FHIT: variants seen among roughly 807,000 people sequenced by gnomAD.
FHIT encodes the protein bis(5'-adenosyl)-triphosphatase.
FHIT carries 19 observed loss-of-function variants against 17.9 expected under a neutral mutation model. That is an observed-to-expected ratio of 1.06 (90% CI 0.74 to 1.56). The LOEUF (loss-of-function observed/expected upper bound fraction) is 1.56, where lower values mean the gene tolerates loss of function less well. Among genes scored for constraint, FHIT ranks in the 40% most tolerant of loss-of-function variants. The pLI is 0.00. For synonymous variants in FHIT, 81 were observed against 69.7 expected, an observed-to-expected ratio of 1.16 and a Z score of -0.81; for missense variants, 248 against 189.2, an observed-to-expected ratio of 1.31 and a Z score of -1.82.
intron 1 of FHIT, among the ~76,000 whole-genome samples, chr3:61,206,909 G>A (rs567905259): frequency 2.6e-5 from 4 of 152,294 alleles, no homozygotes; most frequent in Non-Finnish European, 5.9e-5. Context: ...TTTTCAAAGG[G>A]AATGCCTCTA....
At chr3:60,358,649 G>A (rs1357210075) in intron 5 of FHIT, among the ~76,000 whole-genome samples, 1 of 152,166 alleles carries the variant, frequency 6.6e-6, no homozygotes, top group Non-Finnish European at 1.5e-5. Context: ...AAGTAAAGAA[G>A]GGGCTGATAA....
chr3:59,931,638 G>T (rs562169567), intron 7 of FHIT, among the ~76,000 whole-genome samples: 1 of 151,884 alleles, frequency 6.6e-6, no homozygotes, highest in African/African-American at 2.4e-5. Flanking sequence ...CAATCAAGTT[G>T]GGAAACTTCG....
chr3:60,241,483 T>C (rs1166629297), intron 5 of FHIT, among the ~76,000 whole-genome samples: 1 of 152,196 alleles, frequency 6.6e-6, no homozygotes, highest in Non-Finnish European at 1.5e-5. Context: ...GCATTTATTA[T>C]AATGGGCCAA....
chr3:60,086,394 T>C (rs1304610797), intron 5 of FHIT, among the ~76,000 whole-genome samples: 1 of 152,146 alleles, frequency 6.6e-6, no homozygotes, highest in Non-Finnish European at 1.5e-5. Context: ...CCCATGTACT[T>C]CTCACATGTG....
At chr3:60,032,880 T>C (rs1189381057) in intron 5 of FHIT, among the ~76,000 whole-genome samples, 1 of 152,158 alleles carries the variant, frequency 6.6e-6, no homozygotes. Context: ...CAGCCACCTA[T>C]AGCTAGCATC....
intron 5 of FHIT, among the ~76,000 whole-genome samples, chr3:60,283,518 T>C (rs4679522): frequency 0.26 from 38,784 of 151,982 alleles, 5,654 homozygotes; most frequent in East Asian, 0.68. Context: ...CAGGACCCAA[T>C]TTTGTTTTTA....
At chr3:59,858,851 G>A (rs1457245548) in intron 8 of FHIT, among the ~76,000 whole-genome samples, 2 of 152,110 alleles carry the variant, frequency 1.3e-5, no homozygotes, top group Admixed American at 6.6e-5. Context: ...TTGAATTGAA[G>A]ATACTGATAT....
intron 3 of FHIT, among the ~76,000 whole-genome samples, chr3:60,923,167 G>A (rs546941287): frequency 3.7e-4 from 56 of 152,152 alleles, no homozygotes; most frequent in Non-Finnish European, 6.6e-4. Context: ...TATCCCACAT[G>A]GGTTTACCTA....
At position 60,137,668 on chromosome 3, in the gene FHIT, C is replaced by G. The variant is rs190660024; in HGVS notation, c.104-123516G>C. ...AATACCTGAAACTCTGTTAGGAAAT[C>G]TGAGGTCTTTGGATAGAAGGAAGGA... On this transcript the variant is annotated intron_variant, in intron 5 of 9. Coordinates refer to ENST00000492590, the MANE Select transcript of FHIT (RefSeq NM_002012.4). 2.5e-3 allele frequency among the ~76,000 whole-genome samples: 383 copies of G among 152,248 alleles called. 1 individual carries two copies. The highest frequency in any genetic ancestry group is 7.1e-3 in the African/African-American group (294 of 41,546).
chr3:61,102,707 A>G (rs1024096357), intron 2 of FHIT, among the ~76,000 whole-genome samples: 2 of 152,114 alleles, frequency 1.3e-5, no homozygotes, highest in Non-Finnish European at 2.9e-5. Flanking sequence ...TTGGTAGGCT[A>G]TTCATTATTG....
At chr3:59,759,342 G>C (rs1420907910) in intron 8 of FHIT, among the ~76,000 whole-genome samples, 1 of 152,160 alleles carries the variant, frequency 6.6e-6, no homozygotes, top group Non-Finnish European at 1.5e-5. Flanking sequence ...GAAGGATAAT[G>C]AATTAAAGGG....
intron 5 of FHIT, among the ~76,000 whole-genome samples, chr3:60,416,197 A>G (rs1702243100): frequency 6.6e-6 from 1 of 152,068 alleles, no homozygotes; most frequent in Non-Finnish European, 1.5e-5. Flanking sequence ...AAAATTCCCC[A>G]TAAGATCATA....
intron 5 of FHIT, among the ~76,000 whole-genome samples, chr3:60,436,924 A>G (rs1377897421): frequency 1.3e-5 from 2 of 152,140 alleles, no homozygotes; most frequent in Non-Finnish European, 2.9e-5. Context: ...CTACTTCACA[A>G]AATGTTTTGC....
chr3:60,410,798 A>G (rs242198), intron 5 of FHIT, among the ~76,000 whole-genome samples: 4,129 of 152,290 alleles, frequency 0.027, 91 homozygotes, highest in Middle Eastern at 0.061. Context: ...TAAGAGGTTT[A>G]TACATCCAAG....
intron 5 of FHIT, among the ~76,000 whole-genome samples, chr3:60,533,060 A>G: frequency 6.6e-6 from 1 of 152,206 alleles, no homozygotes; most frequent in East Asian, 1.9e-4. Context: ...TTCACAAATT[A>G]ACATGTAAAG....
chr3:60,555,419 C>T (rs375669882), intron 4 of FHIT, among the ~76,000 whole-genome samples: 1 of 152,166 alleles, frequency 6.6e-6, no homozygotes, highest in African/African-American at 2.4e-5. Context: ...TTAAATGAAT[C>T]AAGTCTTGAC....
chr3:61,242,902 T>C (rs772688207), intron 1 of FHIT, among the ~76,000 whole-genome samples: 1 of 152,132 alleles, frequency 6.6e-6, no homozygotes, highest in Admixed American at 6.5e-5. Flanking sequence ...GCACCAACCT[T>C]AGGTTTTGAT....
chr3:61,023,656 G>A (rs1368716639), intron 3 of FHIT, among the ~76,000 whole-genome samples: 1 of 152,110 alleles, frequency 6.6e-6, no homozygotes, highest in Non-Finnish European at 1.5e-5. Flanking sequence ...CAGATATATA[G>A]ACCAATGAAA....
intron 5 of FHIT, among the ~76,000 whole-genome samples, chr3:60,229,039 C>T (rs1215809041): frequency 6.6e-6 from 1 of 152,122 alleles, no homozygotes; most frequent in African/African-American, 2.4e-5. Flanking sequence ...CCTCCTGACC[C>T]ACATATTAAT....
Sources: gnomAD v4.1 joint callset for allele counts (sites outside exome capture counted in the v4.1 genomes callset) on GRCh38, gnomAD v4.1.1 for gene constraint, MANE v1.5 for transcripts, NCBI Gene and HGNC (gene_info 2026-07-23, HGNC 2026-07-21) for gene names.